Variants in LHFPL6 observed in about 807,000 individuals in gnomAD.
The protein encoded by LHFPL6 is LHFPL tetraspan subfamily member 6.
Under a neutral mutation model 20.6 loss-of-function variants are expected in LHFPL6, and 9 were observed. The observed-to-expected ratio is 0.44, with a 90% confidence interval of 0.26 to 0.76. The LOEUF is 0.76. Ranked by LOEUF, LHFPL6 falls within the 30% of genes least tolerant of loss-of-function variation. The pLI, the probability that LHFPL6 is intolerant of heterozygous loss-of-function variation, is 0.20. For missense variants in LHFPL6, 218 were observed against 253.5 expected (o/e 0.86, Z 0.95); for synonymous variants, 105 against 98.7 (o/e 1.06, Z -0.38).
intron 2 of LHFPL6, among the ~76,000 whole-genome samples, chr13:39,460,896 G>A (rs1449889893): frequency 2.6e-5 from 4 of 152,036 alleles, no homozygotes; most frequent in East Asian, 1.9e-4. Context: ...GGTAAATTAC[G>A]TGTCATGGGA....
At chr13:39,565,860 G>A (rs1566143175) in intron 2 of LHFPL6, among the ~76,000 whole-genome samples, 1 of 152,340 alleles carries the variant, frequency 6.6e-6, no homozygotes, top group South Asian at 2.1e-4. Flanking sequence ...CCCACTGTAC[G>A]TGGGGATTCC....
intron 2 of LHFPL6, among the ~76,000 whole-genome samples, chr13:39,552,387 C>A (rs1871165365): frequency 6.6e-6 from 1 of 152,028 alleles, no homozygotes; most frequent in Non-Finnish European, 1.5e-5. Flanking sequence ...TTCTTAATGG[C>A]ACATAAACCA....
At chr13:39,434,376 C>CCCAG (rs1871897981) in intron 2 of LHFPL6, among the ~76,000 whole-genome samples, 1 of 152,076 alleles carries the variant, frequency 6.6e-6, no homozygotes, top group South Asian at 2.1e-4. Context: ...GAATTCTAAC[C>CCCAG]CCAGAATCCA....
intron 2 of LHFPL6, among the ~76,000 whole-genome samples, chr13:39,575,005 A>C (rs1056875045): frequency 6.6e-6 from 1 of 152,042 alleles, no homozygotes; most frequent in Non-Finnish European, 1.5e-5. Context: ...TGGGAGGCAG[A>C]GGTTGCAGTG....
chr13:39,480,846 C>T (rs1047886018), intron 2 of LHFPL6, among the ~76,000 whole-genome samples: 1 of 151,792 alleles, frequency 6.6e-6, no homozygotes, highest in African/African-American at 2.4e-5. Context: ...ATTTTAAGGT[C>T]AAAAAATGGT....
At position 39,548,457 on chromosome 13, in the gene LHFPL6, C is replaced by T. The variant is rs150437655; in HGVS notation, c.385+52375G>A. 8.0e-4 allele frequency among the ~76,000 whole-genome samples: 122 copies of T among 152,098 alleles called. 1 individual carries two copies. The highest frequency in any genetic ancestry group is 2.6e-3 in the African/African-American group (109 of 41,436). ...ACTATTTGGGCAACAACATAACTCC[C>T]GATGGTCAGCAGCTGCCGTAGACTA... On this transcript the variant is annotated intron_variant, in intron 2 of 3. Coordinates refer to ENST00000379589, the MANE Select transcript of LHFPL6 (RefSeq NM_005780.3).
intron 2 of LHFPL6, among the ~76,000 whole-genome samples, chr13:39,562,589 T>TACATATACAC (rs1871559790): frequency 4.5e-5 from 6 of 131,968 alleles, no homozygotes; most frequent in Admixed American, 4.4e-4. Context: ...TACACATATA[T>TACATATACAC]ACATATATAC....
chr13:39,552,461 T>G (rs1871168563), intron 2 of LHFPL6, among the ~76,000 whole-genome samples: 1 of 152,084 alleles, frequency 6.6e-6, no homozygotes, highest in Admixed American at 6.6e-5. Context: ...TACTGGTGCA[T>G]GCAAGGGATC....
At chr13:39,532,807 A>G (rs1232274155) in intron 2 of LHFPL6, among the ~76,000 whole-genome samples, 2 of 152,184 alleles carry the variant, frequency 1.3e-5, no homozygotes, top group African/African-American at 2.4e-5. Context: ...TTCATGGCCA[A>G]ATTATATTGG....
At chr13:39,403,775 A>G (rs989903094) in intron 2 of LHFPL6, among the ~76,000 whole-genome samples, 2 of 152,230 alleles carry the variant, frequency 1.3e-5, no homozygotes, top group African/African-American at 4.8e-5. Flanking sequence ...GTGCATGGGT[A>G]AAAATATGTT....
chr13:39,554,787 T>A (rs1871253861), intron 2 of LHFPL6, among the ~76,000 whole-genome samples: 2 of 152,128 alleles, frequency 1.3e-5, no homozygotes, highest in Admixed American at 6.5e-5. Context: ...TCCTTTTCCC[T>A]GAACACCTTG....
chr13:39,464,808 CTTGTTTCACTTCTTA>C (rs1243919935), intron 2 of LHFPL6, among the ~76,000 whole-genome samples: 1 of 150,424 alleles, frequency 6.6e-6, no homozygotes, highest in African/African-American at 2.4e-5. Flanking sequence ...GAATTGTGTA[CTTGTTTCACTTCTTA>C]ATCAATAACA....
chr13:39,506,694 C>T (rs1390237887), intron 2 of LHFPL6, among the ~76,000 whole-genome samples: 1 of 151,532 alleles, frequency 6.6e-6, no homozygotes, highest in Non-Finnish European at 1.5e-5. Context: ...GGTTGAATGG[C>T]AGAGAAGGAA....
chr13:39,429,883 T>C (rs1871741637), intron 2 of LHFPL6, among the ~76,000 whole-genome samples: 1 of 152,228 alleles, frequency 6.6e-6, no homozygotes, highest in African/African-American at 2.4e-5. Flanking sequence ...GCATTTGACA[T>C]ATGTGATCAC....
At chr13:39,573,386 C>T (rs549761842) in intron 2 of LHFPL6, among the ~76,000 whole-genome samples, 100 of 152,054 alleles carry the variant, frequency 6.6e-4, no homozygotes, top group Non-Finnish European at 8.8e-4. Flanking sequence ...GAACCGTTCA[C>T]ATGGAGTTTG....
intron 2 of LHFPL6, among the ~76,000 whole-genome samples, chr13:39,585,682 T>C (rs1450167966): frequency 6.6e-6 from 1 of 152,226 alleles, no homozygotes; most frequent in Non-Finnish European, 1.5e-5. Flanking sequence ...AAGCTGTTTC[T>C]GTACCTCACT....
chr13:39,358,407 A>G (rs1217745619), intron 3 of LHFPL6, among the ~76,000 whole-genome samples: 3 of 152,206 alleles, frequency 2.0e-5, no homozygotes, highest in African/African-American at 7.2e-5. Flanking sequence ...GAGAGATTAA[A>G]GATTTAGATG....
At chr13:39,370,893 T>C (rs1365429682) in intron 3 of LHFPL6, among the ~76,000 whole-genome samples, 1 of 152,226 alleles carries the variant, frequency 6.6e-6, no homozygotes, top group African/African-American at 2.4e-5. Context: ...TAAAAAATTA[T>C]ACTTTTGTTT....
intron 2 of LHFPL6, among the ~76,000 whole-genome samples, chr13:39,562,387 T>TATAC (rs1306753800): frequency 4.6e-4 from 28 of 60,872 alleles, no homozygotes; most frequent in South Asian, 2.9e-3. Flanking sequence ...TATATACATA[T>TATAC]ACATATATAT....
Sources: gnomAD v4.1 joint callset for allele counts (sites outside exome capture counted in the v4.1 genomes callset) on GRCh38, gnomAD v4.1.1 for gene constraint, MANE v1.5 for transcripts, NCBI Gene and HGNC (gene_info 2026-07-23, HGNC 2026-07-21) for gene names.